Variants in ZSWIM5 observed in about 807,000 individuals in gnomAD.
ZSWIM5 encodes the protein zinc finger SWIM domain-containing protein 5.
In ZSWIM5, 55 loss-of-function variants were observed where a neutral mutation model predicts 119.6. The ratio of observed to expected loss-of-function variants is 0.46; its 90% CI spans 0.37 to 0.58. The LOEUF (loss-of-function observed/expected upper bound fraction) is 0.58. Among genes scored for constraint, ZSWIM5 ranks in the 20% least tolerant of loss-of-function variants. The pLI is 0.00. For synonymous variants in ZSWIM5, 537 were observed against 606.9 expected (o/e 0.88, Z 1.69); for missense variants, 1,193 against 1,512.8 (o/e 0.79, Z 3.51).
intron 5 of ZSWIM5, among the ~76,000 whole-genome samples, chr1:45,050,235 A>C (rs6659393): frequency 0.019 from 2,821 of 151,536 alleles, 91 homozygotes; most frequent in African/African-American, 0.065. Flanking sequence ...CTCACACCTG[A>C]AATCCCAGCT....
At chr1:45,102,605 A>G (rs1375060978) in intron 1 of ZSWIM5, among the ~76,000 whole-genome samples, 1 of 152,194 alleles carries the variant, frequency 6.6e-6, no homozygotes, top group African/African-American at 2.4e-5. Flanking sequence ...GCACATGGTA[A>G]GGACTTAATA....
chr1:45,147,619 G>C (rs1026814213), intron 1 of ZSWIM5, among the ~76,000 whole-genome samples: 1 of 144,516 alleles, frequency 6.9e-6, no homozygotes, highest in African/African-American at 2.5e-5. Context: ...GAAACCAGTT[G>C]GACATATATA....
intron 1 of ZSWIM5, among the ~76,000 whole-genome samples, chr1:45,196,234 G>A (rs1646124967): frequency 6.6e-6 from 1 of 151,046 alleles, no homozygotes; most frequent in Non-Finnish European, 1.5e-5. Flanking sequence ...AATTACCTGG[G>A]AGCTTTCTAA....
chr1:45,030,250 G>T (rs983409209), intron 11 of ZSWIM5, among the ~76,000 whole-genome samples: 1 of 151,452 alleles, frequency 6.6e-6, no homozygotes, highest in African/African-American at 2.4e-5. Flanking sequence ...TTTAATGACT[G>T]AATGATTGAT....
chr1:45,175,653 T>C (rs552571759), intron 1 of ZSWIM5, among the ~76,000 whole-genome samples: 1 of 151,918 alleles, frequency 6.6e-6, no homozygotes, highest in Non-Finnish European at 1.5e-5. Context: ...TGTTTTGCCA[T>C]GTTGCCCAGG....
intron 1 of ZSWIM5, among the ~76,000 whole-genome samples, chr1:45,170,904 A>C (rs974143): frequency 0.14 from 21,536 of 152,102 alleles, 1,634 homozygotes; most frequent in Non-Finnish European, 0.15. Flanking sequence ...TTTTTATTAA[A>C]TTAAAAATGA....
rs182126359 is a variant in ZSWIM5, at chr1:45,148,786, T to C, written c.595+56970A>G. ...ATACACAGTGATAGCCTCCCTCGGA[T>C]AGCTAATATTCATTCCTCAAAGGTA... On this transcript the variant is annotated intron_variant, in intron 1 of 13. Transcript: ENST00000359600. Among the ~76,000 whole-genome samples the C allele has an allele frequency of 1.8e-4, 27 of 152,360 alleles. No homozygotes were observed. The South Asian group carries it at 1.9e-3, about 11-fold the overall frequency.
chr1:45,152,458 T>C (rs1051092832), intron 1 of ZSWIM5, among the ~76,000 whole-genome samples: 1 of 151,652 alleles, frequency 6.6e-6, no homozygotes, highest in African/African-American at 2.4e-5. Context: ...AGCACGTCTA[T>C]AGCCATCTGA....
At chr1:45,107,558 C>T (rs1172865326) in intron 1 of ZSWIM5, among the ~76,000 whole-genome samples, 4 of 146,206 alleles carry the variant, frequency 2.7e-5, no homozygotes, top group South Asian at 2.2e-4. Context: ...AGGAGAATGG[C>T]GTGAACCCGG....
intron 1 of ZSWIM5, among the ~76,000 whole-genome samples, chr1:45,168,687 A>G (rs1645926085): frequency 6.7e-6 from 1 of 149,210 alleles, no homozygotes; most frequent in South Asian, 2.1e-4. Flanking sequence ...AAAAAAAAAG[A>G]ATAAAGATTG....
intron 1 of ZSWIM5, among the ~76,000 whole-genome samples, chr1:45,196,384 CTTTTTTTTT>C (rs767673983): frequency 1.3e-5 from 1 of 76,358 alleles, no homozygotes; most frequent in African/African-American, 4.7e-5. Context: ...CCCACAATTC[CTTTTTTTTT>C]TTTTTTTTTT....
At chr1:45,127,033 C>A (rs1420074498) in intron 1 of ZSWIM5, among the ~76,000 whole-genome samples, 1 of 152,030 alleles carries the variant, frequency 6.6e-6, no homozygotes, top group Non-Finnish European at 1.5e-5. Context: ...CTACCTTTAC[C>A]CTGATACCAA....
chr1:45,162,090 T>C (rs1645867148), intron 1 of ZSWIM5, among the ~76,000 whole-genome samples: 1 of 152,222 alleles, frequency 6.6e-6, no homozygotes, highest in Non-Finnish European at 1.5e-5. Context: ...CATATGAAAA[T>C]TAAATCTGGC....
At chr1:45,140,948 C>G (rs1645722632) in intron 1 of ZSWIM5, among the ~76,000 whole-genome samples, 2 of 152,028 alleles carry the variant, frequency 1.3e-5, no homozygotes, top group Non-Finnish European at 2.9e-5. Flanking sequence ...TCAACACATT[C>G]AAAAGCCCAG....
At chr1:45,021,183 C>T (rs1442519285) in intron 11 of ZSWIM5, among the ~76,000 whole-genome samples, 1 of 152,108 alleles carries the variant, frequency 6.6e-6, no homozygotes, top group Non-Finnish European at 1.5e-5. Context: ...CTACGGGCGC[C>T]CGCCACCACG....
At chr1:45,116,682 C>T (rs191256784) in intron 1 of ZSWIM5, among the ~76,000 whole-genome samples, 76 of 152,182 alleles carry the variant, frequency 5.0e-4, no homozygotes, top group Admixed American at 2.7e-3. Context: ...AAATGATAAG[C>T]AATTACCTTG....
At position 45,018,753 on chromosome 1, in the gene ZSWIM5, C is replaced by A; in HGVS notation, c.3259G>T (p.Gly1087Cys). ...CGGCGGCCTGGGATGCCGGCCAGGC[C>A]AGGTGCAGTCACTGTGCAGCGTCGT... ...ILRRCTVTAP[G>C]LAGIPGRRSS... The change falls in exon 14 of 14, where the codon GGC (glycine) becomes TGC (cysteine). Residue 1087 changes from glycine (G) to cysteine (C), a missense_variant. Transcript: ENST00000359600. The surrounding 1 kb of genome is among the most constrained non-coding windows in gnomAD (Gnocchi z 6.7). 1 of 1,614,242 alleles carries A rather than the reference C, an allele frequency of 6.2e-7. No homozygotes were observed. The highest frequency in any genetic ancestry group is 8.5e-7 in the Non-Finnish European group (1 of 1,180,048).
chr1:45,117,529 C>T (rs895185973), intron 1 of ZSWIM5, among the ~76,000 whole-genome samples: 63 of 152,200 alleles, frequency 4.1e-4, no homozygotes, highest in African/African-American at 1.5e-3. Context: ...AAAAATTAGC[C>T]AGGCATGATA....
At chr1:45,094,385 G>C (rs1338585495) in intron 1 of ZSWIM5, among the ~76,000 whole-genome samples, 1 of 151,970 alleles carries the variant, frequency 6.6e-6, no homozygotes, top group African/African-American at 2.4e-5. Context: ...TTTTTGTAGA[G>C]ATGGGATTTC....
Sources: gnomAD v4.1 joint callset for allele counts (sites outside exome capture counted in the v4.1 genomes callset) on GRCh38, gnomAD v4.1.1 for gene constraint, Gnocchi (gnomAD v3.1) non-coding constraint, MANE v1.5 for transcripts, NCBI Gene and HGNC (gene_info 2026-07-23, HGNC 2026-07-21) for gene names.